PEX5L: variants seen among roughly 807,000 people sequenced by gnomAD.
PEX5L encodes peroxisomal biogenesis factor 5 like.
A neutral mutation model predicts 84.0 loss-of-function variants in PEX5L; 30 were observed. The ratio of observed to expected loss-of-function variants is 0.36; its 90% CI spans 0.27 to 0.48. The LOEUF (loss-of-function observed/expected upper bound fraction) is 0.48. PEX5L is among the 20% of genes least tolerant of loss of function. The pLI is 0.99. For missense variants in PEX5L, 533 were observed against 754.6 expected (o/e 0.71, Z 3.44); for synonymous variants, 270 against 283.1 (o/e 0.95, Z 0.46).
intron 8 of PEX5L, among the ~76,000 whole-genome samples, chr3:179,842,873 A>G (rs1162241657): frequency 6.6e-6 from 1 of 152,082 alleles, no homozygotes; most frequent in African/African-American, 2.4e-5. Context: ...CTTACTTGGA[A>G]AGGGACTTGT....
At chr3:179,874,502 T>C (rs566042044) in intron 6 of PEX5L, 79 bp from the exon 7 acceptor site, 4 of 743,142 alleles carry the variant, frequency 5.4e-6, no homozygotes, top group Admixed American at 4.8e-5. Flanking sequence ...AACTAGGTAA[T>C]TTGGATCATT....
chr3:179,796,549 C>G lies in PEX5L; in HGVS notation c.*5279G>C, dbSNP rs916371593. ...TTCCTCTTAACTGTTTAATGCCTCC[C>G]CACAATCGTCTTTGCTATGTGTGTT... On this transcript the variant is annotated 3_prime_UTR_variant, in exon 15 of 15. Transcript: ENST00000467460. The G allele has an allele frequency of 1.3e-5, 2 of 151,950 alleles. No homozygotes were observed. Among genetic ancestry groups the G allele is most frequent in the Non-Finnish European group, 2.9e-5 (2 of 67,992 alleles). The allele number at this position is 151,950 out of a possible 1,614,324, so 9.4% of individuals were successfully genotyped here.
At chr3:179,886,130 C>G (rs1184796653) in intron 4 of PEX5L, among the ~76,000 whole-genome samples, 1 of 152,150 alleles carries the variant, frequency 6.6e-6, no homozygotes, top group Non-Finnish European at 1.5e-5. Flanking sequence ...GTTTTCCCAT[C>G]AGTGAGAATT....
intron 2 of PEX5L, among the ~76,000 whole-genome samples, chr3:179,969,651 T>A (rs1784257108): frequency 6.6e-6 from 1 of 152,118 alleles, no homozygotes; most frequent in Non-Finnish European, 1.5e-5. Flanking sequence ...GGACTACTCT[T>A]TCTGCCAACA....
chr3:179,918,872 A>G (rs1387793247), intron 2 of PEX5L, among the ~76,000 whole-genome samples: 1 of 152,226 alleles, frequency 6.6e-6, no homozygotes, highest in Non-Finnish European at 1.5e-5. Flanking sequence ...CCTGTGACAC[A>G]TCCACAGACA....
chr3:179,954,347 T>C (rs572335884), intron 2 of PEX5L, among the ~76,000 whole-genome samples: 1 of 151,610 alleles, frequency 6.6e-6, no homozygotes, highest in African/African-American at 2.4e-5. Flanking sequence ...GACATATTTG[T>C]GTGCAAACTA....
At chr3:179,996,220 A>C (rs1787877780) in intron 1 of PEX5L, among the ~76,000 whole-genome samples, 1 of 152,240 alleles carries the variant, frequency 6.6e-6, no homozygotes, top group Middle Eastern at 3.4e-3. Context: ...GGTGTGCTAC[A>C]CTCGAAAAGA....
chr3:179,967,323 T>C (rs1783588953), intron 2 of PEX5L, among the ~76,000 whole-genome samples: 1 of 152,122 alleles, frequency 6.6e-6, no homozygotes, highest in African/African-American at 2.4e-5. Context: ...CTTTTCTGGA[T>C]CTCAAAGTTC....
intron 8 of PEX5L, among the ~76,000 whole-genome samples, chr3:179,853,683 C>T (rs1186333645): frequency 6.6e-6 from 1 of 152,084 alleles, no homozygotes; most frequent in African/African-American, 2.4e-5. Flanking sequence ...ATTTTTTAAG[C>T]CCAGAATGGG....
chr3:179,840,012 G>A (rs1001840988), intron 8 of PEX5L, among the ~76,000 whole-genome samples: 3 of 152,068 alleles, frequency 2.0e-5, no homozygotes, highest in Non-Finnish European at 4.4e-5. Context: ...TGAAAGGGTA[G>A]AGAGGCCAGT....
intron 2 of PEX5L, among the ~76,000 whole-genome samples, chr3:179,939,566 T>G (rs763373234): frequency 1.3e-5 from 2 of 152,188 alleles, no homozygotes; most frequent in Non-Finnish European, 2.9e-5. Flanking sequence ...ATGTGTTAAC[T>G]ACAGATACAT....
intron 8 of PEX5L, among the ~76,000 whole-genome samples, chr3:179,858,800 G>A (rs1345091786): frequency 6.6e-6 from 1 of 152,180 alleles, no homozygotes; most frequent in Non-Finnish European, 1.5e-5. Context: ...CAGGACTCCT[G>A]ACAGTCATTG....
chr3:180,014,640 G>A (rs1016296669), intron 1 of PEX5L, among the ~76,000 whole-genome samples: 1 of 152,134 alleles, frequency 6.6e-6, no homozygotes, highest in Admixed American at 6.6e-5. Context: ...GGAAAGTAGT[G>A]TAAAAGAAGC....
chr3:180,002,648 ACC>A (rs1162313719), intron 1 of PEX5L, among the ~76,000 whole-genome samples: 6 of 151,968 alleles, frequency 3.9e-5, no homozygotes, highest in Non-Finnish European at 1.5e-5. Context: ...ATTTGTCCAA[ACC>A]TGTATTTTTC....
At chr3:179,917,655 G>T (rs185118834) in intron 2 of PEX5L, among the ~76,000 whole-genome samples, 1 of 152,142 alleles carries the variant, frequency 6.6e-6, no homozygotes, top group African/African-American at 2.4e-5. Context: ...TGACTGAAAC[G>T]TCTTTTTTTT....
At chr3:179,888,041 A>G in intron 3 of PEX5L, 2 of 921,002 alleles carry the variant, frequency 2.2e-6, no homozygotes, top group South Asian at 1.4e-5. Context: ...CTCCTGAAAT[A>G]TGATTATTCT....
At chr3:179,950,821 CTAAG>C (rs1778887460) in intron 2 of PEX5L, among the ~76,000 whole-genome samples, 2 of 152,138 alleles carry the variant, frequency 1.3e-5, no homozygotes, top group Admixed American at 6.6e-5. Flanking sequence ...GGTCTCCTGG[CTAAG>C]TGAGTGATGG....
intron 3 of PEX5L, among the ~76,000 whole-genome samples, chr3:179,890,312 C>T (rs1055803618): frequency 3.3e-5 from 5 of 152,174 alleles, no homozygotes; most frequent in African/African-American, 7.2e-5. Flanking sequence ...CCACCCTATA[C>T]GCATAGAAAT....
At chr3:179,856,661 T>C (rs1744080189) in intron 8 of PEX5L, among the ~76,000 whole-genome samples, 1 of 152,228 alleles carries the variant, frequency 6.6e-6, no homozygotes, top group Admixed American at 6.5e-5. Context: ...CAGCTTAATG[T>C]AAATACTTTA....
Sources: allele counts gnomAD v4.1 joint callset (sites outside exome capture counted in the v4.1 genomes callset), GRCh38; gene constraint gnomAD v4.1.1; transcripts MANE v1.5; gene names NCBI Gene and HGNC (gene_info 2026-07-23, HGNC 2026-07-21).